The following NRK variants were observed in gnomAD, a reference collection of about 807,000 sequenced individuals.
NRK encodes Nik related kinase.
A neutral mutation model predicts 125.2 loss-of-function variants in NRK; 67 were observed. The observed-to-expected ratio is 0.54, with a 90% CI of 0.44 to 0.66. NRK has a LOEUF of 0.66. NRK is among the 30% of genes least tolerant of loss of function. NRK has a pLI of 0.00. For synonymous variants in NRK, 458 were observed against 429.0 expected (o/e 1.07, Z -0.84); for missense variants, 1,224 against 1,192.9 (o/e 1.03, Z -0.38).
At chrX:105,887,404 TATA>T (rs2039961408) in intron 4 of NRK, among the ~76,000 whole-genome samples, 1 of 112,007 alleles carries the variant, frequency 8.9e-6, no homozygotes, top group Admixed American at 9.5e-5. Flanking sequence ...CTAGAATGGT[TATA>T]ATAATAAAAC....
intron 11 of NRK, chrX:105,907,379 A>G (rs996614275): frequency 6.2e-5 from 7 of 112,106 alleles, no homozygotes; most frequent in Non-Finnish European, 1.1e-4. Flanking sequence ...GAGAGTAACA[A>G]TGGAATGTAA....
chrX:105,881,800 T>TTAA, intron 4 of NRK, 21 bp downstream of exon 4: 1 of 891,401 alleles, frequency 1.1e-6, no homozygotes. Flanking sequence ...AAAGTTCTCA[T>TTAA]TAATACCCAA....
intron 19 of NRK, among the ~76,000 whole-genome samples, chrX:105,931,445 C>A (rs2040593474): frequency 9.0e-6 from 1 of 111,698 alleles, no homozygotes; most frequent in African/African-American, 3.3e-5. Context: ...AAACTGAACT[C>A]AGGGCTTGTG....
intron 2 of NRK, among the ~76,000 whole-genome samples, chrX:105,831,433 T>C (rs2039190984): frequency 1.8e-5 from 2 of 112,343 alleles, no homozygotes; most frequent in Admixed American, 1.9e-4. Context: ...ATAGTATACA[T>C]CCATACCATT....
intron 26 of NRK, among the ~76,000 whole-genome samples, chrX:105,948,189 GA>G (rs2040842977): frequency 9.0e-6 from 1 of 111,146 alleles, no homozygotes; most frequent in African/African-American, 3.3e-5. Flanking sequence ...CAGGAATGTT[GA>G]CCCGCGTGTT....
At chrX:105,891,086 C>A (rs191128784) in intron 5 of NRK, among the ~76,000 whole-genome samples, 1,218 of 111,791 alleles carry the variant, frequency 0.011, 10 homozygotes, top group Non-Finnish European at 0.015. Context: ...TTGACATGAG[C>A]ATATGGGTGC....
Position 105,909,041 on chromosome X carries a change from C to A in NRK, c.1400C>A (p.Ala467Glu), listed in dbSNP as rs759705995. The A allele has an allele frequency of 2.5e-6, 3 of 1,210,650 alleles. No homozygotes were observed. Among genetic ancestry groups the A allele is most frequent in the Admixed American group, 4.4e-5 (2 of 45,974 alleles). Residue 467 changes from alanine (A) to glutamate (E), a missense_variant, in exon 13 of 29, where the codon GCA becomes GAA. Ala to Glu is a moderately radical substitution (Grantham distance 107). Coordinates refer to ENST00000243300, the MANE Select transcript of NRK (RefSeq NM_198465.4). ...ASKPLQMQIKAPPRLRRAARV... is the reference protein window; with the variant it reads ...ASKPLQMQIKEPPRLRRAARV... ...AAACCTCTACAAATGCAGATTAAGGCACCTCCACGACTACGGAGGGCAGCC... is the reference window on the plus strand; with the variant it reads ...AAACCTCTACAAATGCAGATTAAGGAACCTCCACGACTACGGAGGGCAGCC...
Position 105,944,005 on chromosome X carries a change from G to C in NRK, c.4023G>C (p.Trp1341Cys), listed in dbSNP as rs750533626. Reference sequence around the variant, plus strand: ...AATCATCAATTCACCTTTATGCATGGGCACCAAAGTCCTTTGATGAAAGCA... The same window carrying C: ...AATCATCAATTCACCTTTATGCATGCGCACCAAAGTCCTTTGATGAAAGCA... ...ALKSSIHLYAWAPKSFDESTA... is the reference protein window; with the variant it reads ...ALKSSIHLYACAPKSFDESTA... Residue 1341 changes from tryptophan (W) to cysteine (C), a missense_variant, in exon 24 of 29, where the codon TGG (tryptophan) becomes TGC (cysteine). Trp to Cys is a radical substitution (Grantham distance 215, BLOSUM62 -2). Transcript: ENST00000243300. The C allele has an allele frequency of 8.6e-6, 10 of 1,167,262 alleles. No individual in the cohort carries two copies. The Admixed American group carries it at 2.0e-4, about 24-fold the overall frequency.
intron 19 of NRK, among the ~76,000 whole-genome samples, chrX:105,933,445 T>G (rs1283697117): frequency 8.9e-6 from 1 of 112,061 alleles, no homozygotes; most frequent in Non-Finnish European, 1.9e-5. Context: ...AATCACTGTT[T>G]AGACACAAAG....
intron 2 of NRK, among the ~76,000 whole-genome samples, chrX:105,859,861 G>T (rs1377056703): frequency 9.0e-6 from 1 of 111,221 alleles, no homozygotes; most frequent in Non-Finnish European, 1.9e-5. Context: ...GTGCAGTTGG[G>T]GTCTCTTGCC....
rs771874766 is a variant in NRK, at chrX:105,941,555, A to AAGAGAGAGAGAGAG, written c.3958+1547_3958+1560dup. On this transcript the variant is annotated intron_variant, in intron 23 of 28. Transcript: ENST00000243300. ...TAAGCTAGACCCAGAGAGAGACAGA[A>AAGAGAGAGAGAGAG]AGAGAGAGAGAGAGAGAGAGAGAGA... Among the ~76,000 whole-genome samples, 107 of 85,262 alleles carry AAGAGAGAGAGAGAG rather than the reference A, an allele frequency of 1.3e-3. 1 individual carries two copies. Among genetic ancestry groups the AAGAGAGAGAGAGAG allele is most frequent in the African/African-American group, 4.8e-3 (102 of 21,464 alleles). The allele number at this position is 85,262 out of a possible 115,157, so 74.0% of individuals were successfully genotyped here.
At position 105,888,361 on chromosome X, in the gene NRK, T is replaced by G; in HGVS notation, c.320T>G (p.Val107Gly). The G allele has an allele frequency of 8.3e-7, 1 of 1,199,261 alleles. No homozygotes were observed. Reference sequence around the variant, plus strand: ...AAGTACTCTTTCCACAAAAACATTGTGTCCTTCTATGGAGCATTTTTCAAG... The same window carrying G: ...AAGTACTCTTTCCACAAAAACATTGGGTCCTTCTATGGAGCATTTTTCAAG... ...LRKYSFHKNI[V>G]SFYGAFFKLS... is the part of the protein sequence containing the mutation. The change falls in exon 5 of 29, where the codon GTG becomes GGG. Residue 107 changes from valine to glycine, a missense_variant. By Grantham distance (109) the Val-to-Gly change is moderately radical. Transcript: ENST00000243300.
chrX:105,889,846 A>AT (rs1555985974), intron 5 of NRK, among the ~76,000 whole-genome samples: 2 of 110,709 alleles, frequency 1.8e-5, no homozygotes, highest in South Asian at 3.9e-4. Context: ...CCATGAAACC[A>AT]TTTTTTTTCC....
chrX:105,945,846 G>C (rs2040804539), intron 24 of NRK, 26 bp from the exon 25 acceptor site: 2 of 1,193,522 alleles, frequency 1.7e-6, no homozygotes, highest in Non-Finnish European at 2.3e-6. Context: ...AGGTTAACAT[G>C]TCTGGCCCTT....
rs2040481702 is a variant in NRK at position 105,923,569 on chromosome X, CAA to C, written c.2975+88_2975+89del. The C allele has an allele frequency of 5.1e-6, 3 of 589,247 alleles. No homozygotes were observed. The African/African-American group carries it at 7.0e-5, about 14-fold the overall frequency. 48.6% of individuals were successfully genotyped at this position (589,247 alleles called of 1,213,427 possible). A position where few individuals can be genotyped will look rare whatever the true frequency, so the allele number is the denominator to read the frequency against. On this transcript the variant is annotated intron_variant, in intron 18 of 28. Transcript: ENST00000243300. The stretch of plus-strand genomic sequence containing the variant: ...TTGGTTTATTTTCAAAATTTATTAC[CAA>C]GAGAGTGACCTAATTTCACTTGCAT...
intron 9 of NRK, 70 bp from the exon 10 acceptor site, chrX:105,905,195 T>C: frequency 6.5e-6 from 5 of 766,204 alleles, no homozygotes; most frequent in Non-Finnish European, 9.9e-6. Flanking sequence ...GAGAATCCCC[T>C]CTGGAATAAG....
chrX:105,878,839 C>T (rs936590520), intron 2 of NRK, among the ~76,000 whole-genome samples: 9 of 111,508 alleles, frequency 8.1e-5, no homozygotes, highest in Middle Eastern at 4.2e-3. Context: ...GCTCAGTTTC[C>T]GTCTTTCCTG....
intron 16 of NRK, among the ~76,000 whole-genome samples, chrX:105,919,422 G>C (rs1253088247): frequency 9.0e-6 from 1 of 111,453 alleles, no homozygotes; most frequent in Admixed American, 9.5e-5. Context: ...GAATTGAGCT[G>C]TTCAATGTGG....
chrX:105,935,770 G>A (rs1426248881), intron 21 of NRK, among the ~76,000 whole-genome samples: 6 of 105,286 alleles, frequency 5.7e-5, no homozygotes, highest in African/African-American at 1.8e-4. Context: ...CAGCCCGGGC[G>A]ACAGTGCAAG....
Sources: gnomAD v4.1 joint callset for allele counts (sites outside exome capture counted in the v4.1 genomes callset) on GRCh38, gnomAD v4.1.1 for gene constraint, MANE v1.5 for transcripts, NCBI Gene and HGNC (gene_info 2026-07-23, HGNC 2026-07-21) for gene names.